The following ANGPT1 variants were observed in gnomAD, a reference collection of about 807,000 sequenced individuals.
ANGPT1 encodes the protein angiopoietin 1.
A neutral mutation model predicts 62.2 loss-of-function variants in ANGPT1; 17 were observed. That is an observed-to-expected ratio of 0.27 (90% confidence interval 0.19 to 0.41). The LOEUF is 0.41. ANGPT1 is among the 10% of genes least tolerant of loss of function. The pLI, the probability that ANGPT1 is intolerant of heterozygous loss-of-function variation, is 1.00. For synonymous variants in ANGPT1, 199 were observed against 198.9 expected (o/e 1.00, Z 0.00); for missense variants, 478 against 594.9 (o/e 0.80, Z 2.04).
At chr8:107,331,651 T>C (rs1369103433) in intron 3 of ANGPT1, among the ~76,000 whole-genome samples, 1 of 152,162 alleles carries the variant, frequency 6.6e-6, no homozygotes, top group Non-Finnish European at 1.5e-5. Context: ...ATAGAAATAA[T>C]AATACATACT....
At chr8:107,373,285 G>T (rs114785619) in intron 1 of ANGPT1, among the ~76,000 whole-genome samples, 145 of 142,098 alleles carry the variant, frequency 1.0e-3, no homozygotes, top group African/African-American at 3.3e-3. Flanking sequence ...TTTTTTTTTT[G>T]AATTAGAGAG....
At chr8:107,379,299 A>G (rs1654721) in intron 1 of ANGPT1, among the ~76,000 whole-genome samples, 112,444 of 151,490 alleles carry the variant, frequency 0.74, 42,594 homozygotes, top group East Asian at 0.87. Context: ...GTAGGCCACT[A>G]GCTGAAGGCC....
intron 1 of ANGPT1, among the ~76,000 whole-genome samples, chr8:107,480,189 G>A (rs1183578681): frequency 6.6e-6 from 1 of 152,072 alleles, no homozygotes; most frequent in East Asian, 1.9e-4. Context: ...ATAAAGGGGA[G>A]TCTTCAAAAA....
At chr8:107,268,108 T>C (rs1813656210) in intron 7 of ANGPT1, among the ~76,000 whole-genome samples, 1 of 152,128 alleles carries the variant, frequency 6.6e-6, no homozygotes, top group Non-Finnish European at 1.5e-5. Context: ...GACTATGTCT[T>C]ACTCATCTTT....
At position 107,345,063 on chromosome 8, in the gene ANGPT1, TG is replaced by T. The variant is rs554076811; in HGVS notation, c.453+1878del. On this transcript the variant is annotated intron_variant, in intron 2 of 8. Coordinates refer to ENST00000517746, the MANE Select transcript of ANGPT1 (RefSeq NM_001146.5). ...CAATTGGAAGACATGAAAATGAAAG[TG>T]AAAAAAACACATAGGCGTCACTTCT... 1.8e-4 allele frequency among the ~76,000 whole-genome samples: 27 copies of T among 152,246 alleles called. No individual in the cohort carries two copies. In the South Asian group the frequency reaches 5.6e-3, roughly 32 times the overall value.
At chr8:107,355,083 G>A (rs906388166) in intron 1 of ANGPT1, among the ~76,000 whole-genome samples, 1 of 151,508 alleles carries the variant, frequency 6.6e-6, no homozygotes, top group Admixed American at 6.6e-5. Context: ...TGTTTTTTTA[G>A]TAGAGACAGG....
At chr8:107,410,756 G>A (rs576366477) in intron 1 of ANGPT1, among the ~76,000 whole-genome samples, 39 of 152,156 alleles carry the variant, frequency 2.6e-4, no homozygotes, top group African/African-American at 8.7e-4. Flanking sequence ...GCAAATATAT[G>A]GTCAGCATAA....
At chr8:107,444,578 A>G (rs1427953611) in intron 1 of ANGPT1, among the ~76,000 whole-genome samples, 1 of 152,186 alleles carries the variant, frequency 6.6e-6, no homozygotes, top group African/African-American at 2.4e-5. Flanking sequence ...TTCCAATAAT[A>G]ATGTCTAGAA....
At chr8:107,456,875 T>C (rs1811933373) in intron 1 of ANGPT1, among the ~76,000 whole-genome samples, 1 of 152,114 alleles carries the variant, frequency 6.6e-6, no homozygotes, top group African/African-American at 2.4e-5. Context: ...AAATGGGATC[T>C]GCTAAGGAAT....
At chr8:107,442,349 A>T (rs1811503163) in intron 1 of ANGPT1, among the ~76,000 whole-genome samples, 1 of 152,234 alleles carries the variant, frequency 6.6e-6, no homozygotes, top group Non-Finnish European at 1.5e-5. Context: ...AAACTAGTGT[A>T]GGTCATGTTG....
In ANGPT1 at chr8:107,331,535, G is replaced by C. The variant is rs572263606; in HGVS notation, c.575+4615C>G. ...AAATATTTTTATAATAATTAAGGCA[G>C]AGAATCACCATGAACTTGAACTCTA... On this transcript the variant is annotated intron_variant, in intron 3 of 8. Coordinates refer to ENST00000517746, the MANE Select transcript of ANGPT1 (RefSeq NM_001146.5). Among the ~76,000 whole-genome samples the C allele has an allele frequency of 5.4e-4, 82 of 152,272 alleles. 2 individuals carry two copies. The South Asian group carries it at 0.017, about 31-fold the overall frequency.
At chr8:107,431,006 C>A (rs1811170865) in intron 1 of ANGPT1, among the ~76,000 whole-genome samples, 1 of 152,162 alleles carries the variant, frequency 6.6e-6, no homozygotes, top group African/African-American at 2.4e-5. Flanking sequence ...TTCCTGGATT[C>A]AAAGCTCAGC....
At chr8:107,404,794 C>G (rs1171238624) in intron 1 of ANGPT1, among the ~76,000 whole-genome samples, 1 of 151,994 alleles carries the variant, frequency 6.6e-6, no homozygotes, top group Non-Finnish European at 1.5e-5. Flanking sequence ...AAGACTGTAC[C>G]AATTACACAC....
At chr8:107,395,978 C>A (rs555146438) in intron 1 of ANGPT1, among the ~76,000 whole-genome samples, 47 of 152,186 alleles carry the variant, frequency 3.1e-4, no homozygotes, top group African/African-American at 1.0e-3. Flanking sequence ...ACACTTATGT[C>A]CTGTTATGAT....
intron 1 of ANGPT1, among the ~76,000 whole-genome samples, chr8:107,404,356 C>T (rs1301521501): frequency 2.0e-5 from 3 of 152,076 alleles, no homozygotes. Flanking sequence ...TTCATTGCCT[C>T]CAAAGATCCT....
chr8:107,367,340 A>G (rs1311446310), intron 1 of ANGPT1, among the ~76,000 whole-genome samples: 1 of 152,218 alleles, frequency 6.6e-6, no homozygotes. Context: ...TGGTTAAAAA[A>G]TGGTGAAGAT....
chr8:107,487,376 T>C (rs1319333109), intron 1 of ANGPT1, among the ~76,000 whole-genome samples: 5 of 152,084 alleles, frequency 3.3e-5, no homozygotes, highest in Admixed American at 2.0e-4. Context: ...GTCTCTAACG[T>C]GCAGAATGAG....
At chr8:107,308,347 G>A (rs1433404161) in intron 4 of ANGPT1, among the ~76,000 whole-genome samples, 1 of 152,150 alleles carries the variant, frequency 6.6e-6, no homozygotes, top group Non-Finnish European at 1.5e-5. Flanking sequence ...TCATGGTAAG[G>A]TTTCAAACAA....
intron 1 of ANGPT1, among the ~76,000 whole-genome samples, chr8:107,460,997 T>C (rs1586342022): frequency 6.6e-6 from 1 of 152,252 alleles, no homozygotes; most frequent in Middle Eastern, 3.4e-3. Context: ...TACTTGAACC[T>C]CATAGCCACA....
Sources: gnomAD v4.1 joint callset for allele counts (sites outside exome capture counted in the v4.1 genomes callset) on GRCh38, gnomAD v4.1.1 for gene constraint, MANE v1.5 for transcripts, NCBI Gene and HGNC (gene_info 2026-07-23, HGNC 2026-07-21) for gene names.